The following EXOC4 variants were observed in gnomAD, a reference collection of about 807,000 sequenced individuals.
The protein encoded by EXOC4 is SEC8-like 1.
A neutral mutation model predicts 107.2 loss-of-function variants in EXOC4; 71 were observed. The ratio of observed to expected loss-of-function variants is 0.66; its 90% confidence interval spans 0.55 to 0.81. The LOEUF is 0.81. Among genes scored for constraint, EXOC4 ranks in the 30% least tolerant of loss-of-function variants. The pLI is 0.00. For synonymous variants in EXOC4, 456 were observed against 441.2 expected, an observed-to-expected ratio of 1.03 and a Z score of -0.42; for missense variants, 1,108 against 1,189.6, an observed-to-expected ratio of 0.93 and a Z score of 1.01.
intron 13 of EXOC4, among the ~76,000 whole-genome samples, chr7:133,920,705 T>C (rs1254741858): frequency 1.3e-5 from 2 of 152,210 alleles, no homozygotes; most frequent in Non-Finnish European, 2.9e-5. Context: ...CAAGTAAGAA[T>C]TAGAAAAGGT....
intron 7 of EXOC4, among the ~76,000 whole-genome samples, chr7:133,393,085 G>A (rs1013980218): frequency 1.3e-5 from 2 of 151,880 alleles, no homozygotes; most frequent in Non-Finnish European, 2.9e-5. Flanking sequence ...CTTTCCTACT[G>A]TCCTTGCCCT....
chr7:133,820,034 C>A (rs1797474972), intron 11 of EXOC4, among the ~76,000 whole-genome samples: 1 of 152,066 alleles, frequency 6.6e-6, no homozygotes, highest in African/African-American at 2.4e-5. Context: ...TCCAGCTTTA[C>A]CTGTTCTCTC....
chr7:133,745,479 TG>T (rs534891899), intron 10 of EXOC4, among the ~76,000 whole-genome samples: 84 of 152,254 alleles, frequency 5.5e-4, no homozygotes, highest in Non-Finnish European at 1.9e-4. Flanking sequence ...TTGTACACAG[TG>T]TTCTATAAAT....
At chr7:133,931,070 AT>A (rs1800164900) in intron 13 of EXOC4, among the ~76,000 whole-genome samples, 1 of 152,082 alleles carries the variant, frequency 6.6e-6, no homozygotes, top group African/African-American at 2.4e-5. Flanking sequence ...AATTTGGTCA[AT>A]TATTTGATAA....
At chr7:133,766,185 A>C (rs1305096467) in intron 10 of EXOC4, among the ~76,000 whole-genome samples, 3 of 151,988 alleles carry the variant, frequency 2.0e-5, no homozygotes, top group African/African-American at 7.2e-5. Flanking sequence ...GCTTATGAAA[A>C]AAGAGATAGC....
chr7:133,450,612 A>T (rs2150807417), intron 7 of EXOC4, among the ~76,000 whole-genome samples: 1 of 152,310 alleles, frequency 6.6e-6, no homozygotes. Flanking sequence ...ATATGTGCTA[A>T]TGAAATCATT....
intron 14 of EXOC4, among the ~76,000 whole-genome samples, chr7:133,941,100 C>T (rs181578752): frequency 1.2e-3 from 186 of 151,680 alleles, no homozygotes; most frequent in African/African-American, 4.3e-3. Flanking sequence ...CAGGTTCAAG[C>T]GATTCTCCTG....
intron 10 of EXOC4, among the ~76,000 whole-genome samples, chr7:133,677,709 C>CT (rs1188011390): frequency 6.6e-6 from 1 of 152,174 alleles, no homozygotes; most frequent in Non-Finnish European, 1.5e-5. Context: ...CTTATCTCTA[C>CT]TTTCTCCTAC....
chr7:134,066,888 C>G (rs185938952), downstream of EXOC4, among the ~76,000 whole-genome samples: 25 of 152,186 alleles, frequency 1.6e-4, no homozygotes, highest in East Asian at 4.7e-3. Flanking sequence ...CATGGTGGCT[C>G]ACACCTGTAA....
intron 10 of EXOC4, among the ~76,000 whole-genome samples, chr7:133,713,271 A>G (rs1794931484): frequency 6.6e-6 from 1 of 152,242 alleles, no homozygotes; most frequent in Non-Finnish European, 1.5e-5. Flanking sequence ...TAAGTAAGAA[A>G]AGATAATTTA....
downstream of EXOC4, among the ~76,000 whole-genome samples, chr7:134,068,581 C>G (rs575075270): frequency 6.6e-6 from 1 of 152,230 alleles, no homozygotes; most frequent in South Asian, 2.1e-4. Context: ...TGAAAATGGA[C>G]TAATATAGGG....
At chr7:133,703,350 C>T (rs1794705200) in intron 10 of EXOC4, among the ~76,000 whole-genome samples, 1 of 152,172 alleles carries the variant, frequency 6.6e-6, no homozygotes, top group African/African-American at 2.4e-5. Flanking sequence ...ATTCACTCTA[C>T]ATTGATGTAA....
intron 1 of EXOC4, among the ~76,000 whole-genome samples, chr7:133,271,570 A>G (rs1269946128): frequency 6.6e-6 from 1 of 152,186 alleles, no homozygotes; most frequent in African/African-American, 2.4e-5. Flanking sequence ...CTCCAGAGCA[A>G]GGGGCAGATG....
chr7:133,984,883 G>T (rs759153917), intron 14 of EXOC4, among the ~76,000 whole-genome samples: 2 of 152,118 alleles, frequency 1.3e-5, no homozygotes, highest in Non-Finnish European at 2.9e-5. Context: ...TGTTCTAGAG[G>T]TAATAAAAAG....
intron 10 of EXOC4, among the ~76,000 whole-genome samples, chr7:133,713,588 C>G (rs1192643460): frequency 6.6e-6 from 1 of 152,114 alleles, no homozygotes; most frequent in Non-Finnish European, 1.5e-5. Flanking sequence ...GTGTCCCTAC[C>G]CACATCTCCT....
At chr7:133,309,665 C>T (rs751233571) in intron 4 of EXOC4, among the ~76,000 whole-genome samples, 1 of 152,222 alleles carries the variant, frequency 6.6e-6, no homozygotes, top group Admixed American at 6.5e-5. Context: ...GTCAGCCGGG[C>T]GTGGAGGCTC....
At chr7:133,449,240 A>G (rs1458146061) in intron 7 of EXOC4, among the ~76,000 whole-genome samples, 2 of 152,210 alleles carry the variant, frequency 1.3e-5, no homozygotes, top group African/African-American at 4.8e-5. Context: ...ATTGCTGGCT[A>G]CCACCAGAAG....
intron 11 of EXOC4, among the ~76,000 whole-genome samples, chr7:133,889,204 A>G (rs573641898): frequency 5.6e-4 from 86 of 152,242 alleles, no homozygotes; most frequent in Non-Finnish European, 1.5e-4. Context: ...CTGAATATGC[A>G]TTTTCTGTCT....
intron 7 of EXOC4, among the ~76,000 whole-genome samples, chr7:133,451,261 G>A (rs1180536691): frequency 1.3e-5 from 2 of 151,434 alleles, no homozygotes; most frequent in Non-Finnish European, 2.9e-5. Context: ...AGATATTTGA[G>A]TGGGTACGTG....
Sources: allele counts gnomAD v4.1 joint callset (sites outside exome capture counted in the v4.1 genomes callset), GRCh38; gene constraint gnomAD v4.1.1; transcripts MANE v1.5; gene names NCBI Gene and HGNC (gene_info 2026-07-23, HGNC 2026-07-21).